The following IDNK variants were observed in gnomAD, a reference collection of about 807,000 sequenced individuals.
The protein encoded by IDNK is IDNK gluconokinase, also known as gluconokinase.
Under a neutral mutation model 13.0 loss-of-function variants are expected in IDNK, and 9 were observed. That is an observed-to-expected ratio of 0.69 (90% CI 0.42 to 1.21). The LOEUF is 1.21. IDNK is among the 50% of genes most tolerant of loss of function. The probability of loss-of-function intolerance (pLI) is 0.00; values close to 1 mark genes in which losing one functional copy is unlikely to be tolerated. For missense variants in IDNK, 210 were observed against 237.8 expected, an observed-to-expected ratio of 0.88 and a Z score of 0.77; for synonymous variants, 92 against 94.9, an observed-to-expected ratio of 0.97 and a Z score of 0.18.
At chr9:83,625,173 G>A (rs1830816169) in intron 1 of IDNK, among the ~76,000 whole-genome samples, 2 of 152,222 alleles carry the variant, frequency 1.3e-5, no homozygotes, top group African/African-American at 4.8e-5. Context: ...TTGTGGACTG[G>A]ATGTTGGGTG....
At chr9:83,627,754 A>T (rs934921279) in intron 1 of IDNK, among the ~76,000 whole-genome samples, 1 of 151,302 alleles carries the variant, frequency 6.6e-6, no homozygotes, top group African/African-American at 2.4e-5. Context: ...AGTGTCCTGA[A>T]CTTTACATGG....
In IDNK at chr9:83,641,251, T is replaced by G. The variant is rs565496368; in HGVS notation, c.169-297T>G. ...AATACAGGCAGTACAATAAAAGATT[T>G]GTAAACGTATCAGAACCAGGGAGGA... On this transcript the variant is annotated intron_variant, in intron 3 of 4. Coordinates refer to ENST00000376419, the MANE Select transcript of IDNK (RefSeq NM_001001551.4). 1.8e-4 allele frequency among the ~76,000 whole-genome samples: 27 copies of G among 152,320 alleles called. No individual in the cohort carries two copies. In the South Asian group the frequency reaches 3.5e-3, roughly 20 times the overall value.
intron 3 of IDNK, among the ~76,000 whole-genome samples, chr9:83,636,876 A>G (rs1053017154): frequency 1.1e-4 from 16 of 152,370 alleles, no homozygotes; most frequent in Non-Finnish European, 1.3e-4. Flanking sequence ...ATTTTCAAGT[A>G]TATGTGGGAC....
At chr9:83,637,858 GCTGT>G (rs1157448293) in intron 3 of IDNK, among the ~76,000 whole-genome samples, 1 of 152,100 alleles carries the variant, frequency 6.6e-6, no homozygotes, top group Non-Finnish European at 1.5e-5. Flanking sequence ...TCATATAAGG[GCTGT>G]CTTTGAATGA....
At chr9:83,628,246 G>C (rs1255838835) in intron 2 of IDNK, 35 bp downstream of exon 2, 2 of 1,503,894 alleles carry the variant, frequency 1.3e-6, no homozygotes, top group South Asian at 1.2e-5. Flanking sequence ...CCGAGTGCTT[G>C]TCCCATTGTG....
chr9:83,628,275 TCTGC>T, intron 2 of IDNK, 64 bp downstream of exon 2: 2 of 1,377,472 alleles, frequency 1.5e-6, no homozygotes, highest in Non-Finnish European at 2.0e-6. Flanking sequence ...TCCTTGCATC[TCTGC>T]CTTTTTTCTG....
intron 3 of IDNK, among the ~76,000 whole-genome samples, chr9:83,639,594 G>A (rs1174365211): frequency 1.3e-5 from 2 of 152,106 alleles, no homozygotes; most frequent in South Asian, 4.1e-4. Flanking sequence ...TGAAAAGAGG[G>A]AGGTGGAAAA....
chr9:83,632,557 C>CAAAAAAAAAAAAAA (rs61214533), intron 3 of IDNK, among the ~76,000 whole-genome samples: 1 of 78,566 alleles, frequency 1.3e-5, no homozygotes, highest in Non-Finnish European at 2.4e-5. Flanking sequence ...AGCTGATGAG[C>CAAAAAAAAAAAAAA]AAAAAAAAAA....
chr9:83,624,168 C>T (rs1242475115), intron 1 of IDNK, among the ~76,000 whole-genome samples: 1 of 152,162 alleles, frequency 6.6e-6, no homozygotes, highest in Non-Finnish European at 1.5e-5. Flanking sequence ...AAACATGGAG[C>T]CCCCAAATCC....
rs1333369354 is a variant in IDNK, at chr9:83,628,203, G to T, written c.73G>T (p.Ala25Ser). 2 of 1,550,374 alleles carry T rather than the reference G, an allele frequency of 1.3e-6. No individual in the cohort carries two copies. Among genetic ancestry groups the T allele is most frequent in the Admixed American group, 3.9e-5 (2 of 50,984 alleles). Residue 25 changes from alanine to serine, a missense_variant, in exon 2 of 5, where the codon GCA becomes TCA. By Grantham distance (99) the Ala-to-Ser change is moderately conservative. Coordinates refer to ENST00000376419, the MANE Select transcript of IDNK (RefSeq NM_001001551.4). The part of the protein sequence containing the change: ...SGKSTVGALL[A>S]SELGWKFYDA... ...CAGATCCACCGTGGGCGCCCTGCTG[G>T]CATCTGAGGTTAGTAACCTGTCCTA...
chr9:83,636,623 T>A (rs1284360744), intron 3 of IDNK, among the ~76,000 whole-genome samples: 1 of 152,172 alleles, frequency 6.6e-6, no homozygotes, highest in Non-Finnish European at 1.5e-5. Context: ...AGTCTCCTCA[T>A]ATATTCTAAC....
At chr9:83,632,960 A>G (rs1343320532) in intron 3 of IDNK, among the ~76,000 whole-genome samples, 1 of 152,166 alleles carries the variant, frequency 6.6e-6, no homozygotes, top group Non-Finnish European at 1.5e-5. Flanking sequence ...CACCTTTACA[A>G]TAAGGTCCAC....
chr9:83,643,675 G>A lies in IDNK; in HGVS notation c.459G>A (p.Glu153=). 6.2e-7 allele frequency: 1 copy of A among 1,613,932 alleles called. No homozygotes were observed. The highest frequency in any genetic ancestry group is 8.5e-7 in the Non-Finnish European group (1 of 1,180,008). The change falls in exon 5 of 5, where the codon GAG becomes GAA. Residue 153 remains glutamate (E), a synonymous_variant. Transcript: ENST00000376419. ...MPPELLQSQF[E]TLEPPAAPEN... ...CTGAATTATTGCAGTCCCAGTTTGA[G>A]ACTCTGGAGCCCCCAGCAGCTCCAG...
chr9:83,640,326 C>T (rs1564150841), intron 3 of IDNK, among the ~76,000 whole-genome samples: 1 of 152,026 alleles, frequency 6.6e-6, no homozygotes, highest in African/African-American at 2.4e-5. Context: ...GCCCTGATAC[C>T]GACATTTAAT....
rs146943155 is a variant in IDNK, at chr9:83,643,540, G to A, written c.324G>A (p.Ser108=). 1,136 of 1,613,796 alleles carry A rather than the reference G, an allele frequency of 7.0e-4. No individual in the cohort carries two copies. The highest frequency in any genetic ancestry group is 7.5e-4 in the Non-Finnish European group (888 of 1,179,932). The change falls in exon 5 of 5, where the codon TCG becomes TCA. Residue 108 remains serine (S), a synonymous_variant. Coordinates refer to ENST00000376419, the MANE Select transcript of IDNK (RefSeq NM_001001551.4). ...GTGTAGCTCTGAAGTGTGAGGAGTC[G>A]GGAAAGGAAGCAAAGCAGGCTGAGA... ...KDGVALKCEE[S]GKEAKQAEMQ... is the part of the protein sequence containing the mutation.
intron 1 of IDNK, among the ~76,000 whole-genome samples, chr9:83,627,705 G>A (rs564339794): frequency 6.6e-6 from 1 of 152,104 alleles, no homozygotes; most frequent in Non-Finnish European, 1.5e-5. Flanking sequence ...TTACGAGTGT[G>A]TCTCTTTTAA....
In IDNK at chr9:83,637,686, G is replaced by A. The variant is rs115418755; in HGVS notation, c.169-3862G>A. Among the ~76,000 whole-genome samples, 733 of 152,316 alleles carry A rather than the reference G, an allele frequency of 4.8e-3. 8 individuals are homozygous for A. Among genetic ancestry groups the A allele is most frequent in the African/African-American group, 0.017 (703 of 41,578 alleles). ...ACCCACTCCCCCACATTTTTTGACT[G>A]TATAAAAGCCAGGAGAGCAGGAGGC... On this transcript the variant is annotated intron_variant, in intron 3 of 4. Coordinates refer to ENST00000376419, the MANE Select transcript of IDNK (RefSeq NM_001001551.4).
At chr9:83,632,144 A>T (rs3750410) in intron 3 of IDNK, among the ~76,000 whole-genome samples, 41,094 of 151,982 alleles carry the variant, frequency 0.27, 6,893 homozygotes, top group East Asian at 0.84. Context: ...GGGGGTCAGT[A>T]TATAACATTC....
rs1472437939 is a variant in IDNK at position 83,633,207 on chromosome 9, C to T, written c.168+4248C>T. On this transcript the variant is annotated intron_variant, in intron 3 of 4. Coordinates refer to ENST00000376419, the MANE Select transcript of IDNK (RefSeq NM_001001551.4). The stretch of plus-strand genomic sequence containing the variant: ...ACACAAAATTAGCCGGGCGTGGTGG[C>T]AGGCGCCTGTAGTCCCAGCTACTCG... Among the ~76,000 whole-genome samples the T allele has an allele frequency of 3.3e-5, 5 of 152,160 alleles. 1 individual carries two copies. The South Asian group carries it at 1.0e-3, about 31-fold the overall frequency.
Sources: allele counts gnomAD v4.1 joint callset (sites outside exome capture counted in the v4.1 genomes callset), GRCh38; gene constraint gnomAD v4.1.1; transcripts MANE v1.5; gene names NCBI Gene and HGNC (gene_info 2026-07-23, HGNC 2026-07-21).